METTL2B: variants seen among roughly 807,000 people sequenced by gnomAD.
The protein encoded by METTL2B is tRNA N(3)-cytidine methyltransferase METTL2B.
Under a neutral mutation model 51.0 loss-of-function variants are expected in METTL2B, and 28 were observed. That is an observed-to-expected ratio of 0.55 (90% confidence interval 0.41 to 0.75). The LOEUF is 0.75. Ranked by LOEUF, METTL2B falls within the 30% of genes least tolerant of loss-of-function variation. The pLI is 0.00. For missense variants in METTL2B, 313 were observed against 460.7 expected (o/e 0.68, Z 2.93); for synonymous variants, 128 against 166.3 (o/e 0.77, Z 1.77).
In METTL2B at chr7:128,479,207, C is replaced by T; in HGVS notation, c.252C>T (p.Ile84=). ...AATACTGGAATGACTTCTACAAAATCCACGAAAATGGGTTTTTCAAGGATA... is the reference window on the plus strand; with the variant it reads ...AATACTGGAATGACTTCTACAAAATTCACGAAAATGGGTTTTTCAAGGATA... ...AHKYWNDFYK[I]HENGFFKDRH... The change falls in exon 3 of 9, where the codon ATC becomes ATT. Residue 84 remains isoleucine, a synonymous_variant. Transcript: ENST00000262432. 1.2e-6 allele frequency: 2 copies of T among 1,614,152 alleles called. No homozygotes were observed. The highest frequency in any genetic ancestry group is 1.7e-6 in the Non-Finnish European group (2 of 1,179,998).
At chr7:128,497,588 T>C (rs1584796998) in intron 6 of METTL2B, among the ~76,000 whole-genome samples, 2 of 152,332 alleles carry the variant, frequency 1.3e-5, no homozygotes, top group African/African-American at 2.4e-5. Flanking sequence ...GTTCCAGAAG[T>C]TCTCCTGCCT....
At chr7:128,487,288 G>A (rs1423731756) in intron 4 of METTL2B, among the ~76,000 whole-genome samples, 4 of 152,130 alleles carry the variant, frequency 2.6e-5, no homozygotes, top group South Asian at 2.1e-4. Context: ...AAATCCCAGC[G>A]TCTCACTCAA....
intron 7 of METTL2B, among the ~76,000 whole-genome samples, chr7:128,498,727 A>G (rs527846276): frequency 6.6e-6 from 1 of 152,302 alleles, no homozygotes; most frequent in Non-Finnish European, 1.5e-5. Context: ...AGCCGGGCGC[A>G]GTGGCTCATG....
intron 4 of METTL2B, chr7:128,484,091 C>G (rs1345683156): frequency 6.7e-6 from 1 of 149,852 alleles, no homozygotes; most frequent in Non-Finnish European, 1.5e-5. Flanking sequence ...AACTCCTGAC[C>G]TCAGGTGATC....
At position 128,502,027 on chromosome 7, in the gene METTL2B, G is replaced by A; in HGVS notation, c.*111G>A. 7 of 1,496,068 alleles carry A rather than the reference G, an allele frequency of 4.7e-6. No individual in the cohort carries two copies. The highest frequency in any genetic ancestry group is 6.3e-6 in the Non-Finnish European group (7 of 1,109,122). 92.7% of individuals were successfully genotyped at this position (1,496,068 alleles called of 1,614,324 possible). On this transcript the variant is annotated 3_prime_UTR_variant, in exon 9 of 9. Transcript: ENST00000262432. The stretch of plus-strand genomic sequence containing the variant: ...GCCTGTAATCCCAGCCACTCAGGAG[G>A]CTGAGGCAGGGAGGATCCATTGAGC...
At chr7:128,496,160 T>A (rs1792920090) in intron 6 of METTL2B, among the ~76,000 whole-genome samples, 1 of 152,124 alleles carries the variant, frequency 6.6e-6, no homozygotes, top group South Asian at 2.1e-4. Context: ...TCTAGAAGGG[T>A]ACTGAAGTTA....
At position 128,501,944 on chromosome 7, in the gene METTL2B, G is replaced by A. The variant is rs369068078; in HGVS notation, c.*28G>A. ...GGCACCTGCTGCCAACACGATGCAA[G>A]CCCGTTGTGTTTCCGAGCTTTTTTA... On this transcript the variant is annotated 3_prime_UTR_variant, in exon 9 of 9. Transcript: ENST00000262432. The A allele has an allele frequency of 1.1e-5, 17 of 1,609,548 alleles. No individual in the cohort carries two copies. The highest frequency in any genetic ancestry group is 1.4e-5 in the Non-Finnish European group (17 of 1,177,074).
At chr7:128,484,806 C>A (rs1792670327) in intron 4 of METTL2B, among the ~76,000 whole-genome samples, 1 of 152,144 alleles carries the variant, frequency 6.6e-6, no homozygotes, top group African/African-American at 2.4e-5. Context: ...TGGTCTCGAA[C>A]TCCTGACCTC....
At chr7:128,500,880 A>G (rs1160214709) in intron 7 of METTL2B, 23 bp from the exon 8 acceptor site, 1 of 1,613,448 alleles carries the variant, frequency 6.2e-7, no homozygotes, top group Non-Finnish European at 8.5e-7. Context: ...AGTGTCTCTG[A>G]TTTTTAATAC....
chr7:128,494,916 C>T (rs995516103), intron 6 of METTL2B, among the ~76,000 whole-genome samples: 5 of 151,774 alleles, frequency 3.3e-5, no homozygotes, highest in East Asian at 1.9e-4. Flanking sequence ...TGAGCCACCA[C>T]GCTGGCCTTT....
intron 3 of METTL2B, among the ~76,000 whole-genome samples, chr7:128,479,959 T>A (rs1466790494): frequency 6.6e-6 from 1 of 152,296 alleles, no homozygotes. Context: ...TTCCTCTGCA[T>A]TTGGATGGTG....
rs147670188 is a variant in METTL2B, at chr7:128,487,977, G to T, written c.609-124G>T. The T allele has an allele frequency of 4.6e-3, 5,321 of 1,156,624 alleles. 196 individuals are homozygous for T. In the African/African-American group the frequency reaches 0.073, roughly 16 times the overall value. The allele number at this position is 1,156,624 out of a possible 1,614,324, so 71.6% of individuals were successfully genotyped here. On this transcript the variant is annotated intron_variant, in intron 4 of 8. Transcript: ENST00000262432. ...AAAATGAAATATGTTGTGACTAATA[G>T]ATACAGTTTATTTGAATGAATGATA...
At chr7:128,490,755 A>G (rs1036829156) in intron 5 of METTL2B, among the ~76,000 whole-genome samples, 2 of 152,194 alleles carry the variant, frequency 1.3e-5, no homozygotes, top group African/African-American at 4.8e-5. Flanking sequence ...TGGAAAGTCT[A>G]GTTAACACAA....
intron 5 of METTL2B, among the ~76,000 whole-genome samples, chr7:128,490,031 C>T (rs1386651389): frequency 6.6e-6 from 1 of 152,146 alleles, no homozygotes; most frequent in African/African-American, 2.4e-5. Flanking sequence ...GGATTTTGCC[C>T]ACAGTAGAGC....
Position 128,502,082 on chromosome 7 carries a change from G to A in METTL2B, c.*166G>A. On this transcript the variant is annotated 3_prime_UTR_variant, in exon 9 of 9. Transcript: ENST00000262432. The stretch of plus-strand genomic sequence containing the variant: ...GAGTCCAGCCTGGGCAAAATAGCGA[G>A]AGACCCTGAATCTGAAAGTAATGAT... 2.4e-6 allele frequency: 2 copies of A among 846,888 alleles called. No homozygotes were observed. Among genetic ancestry groups the A allele is most frequent in the South Asian group, 2.2e-5 (1 of 45,168 alleles). 52.5% of individuals were successfully genotyped at this position (846,888 alleles called of 1,614,324 possible). A position where few individuals can be genotyped will look rare whatever the true frequency, so the allele number is the denominator to read the frequency against.
At chr7:128,484,705 G>T (rs1377367630) in intron 4 of METTL2B, among the ~76,000 whole-genome samples, 2 of 151,892 alleles carry the variant, frequency 1.3e-5, no homozygotes, top group Non-Finnish European at 2.9e-5. Context: ...CGATTCTCCT[G>T]CCTCAGCCTC....
At chr7:128,487,734 T>C (rs930117346) in intron 4 of METTL2B, among the ~76,000 whole-genome samples, 11 of 152,142 alleles carry the variant, frequency 7.2e-5, no homozygotes, top group Admixed American at 4.6e-4. Context: ...CAGGTACAGA[T>C]GTGTTCCTGG....
intron 8 of METTL2B, 93 bp from the exon 9 acceptor site, chr7:128,501,669 A>G: frequency 6.5e-7 from 1 of 1,536,004 alleles, no homozygotes; most frequent in South Asian, 1.3e-5. Flanking sequence ...CACGACAGCA[A>G]CTTCCCAGAG....
chr7:128,501,746 T>G lies in METTL2B; in HGVS notation c.983-16T>G. ...TGAGGGGAAAATGCATAAACATCTT[T>G]TATTTTCCACACTAGAGGAACTGGA... On this transcript the variant is annotated splice_polypyrimidine_tract_variant and intron_variant, in intron 8 of 8. Transcript: ENST00000262432. The G allele has an allele frequency of 6.2e-7, 1 of 1,612,422 alleles. No individual in the cohort carries two copies. Among genetic ancestry groups the G allele is most frequent in the South Asian group, 1.1e-5 (1 of 90,892 alleles).
Sources: gnomAD v4.1 joint callset for allele counts (sites outside exome capture counted in the v4.1 genomes callset) on GRCh38, gnomAD v4.1.1 for gene constraint, MANE v1.5 for transcripts, NCBI Gene and HGNC (gene_info 2026-07-23, HGNC 2026-07-21) for gene names.